Variants in TXNDC8 observed in about 807,000 individuals in gnomAD.
The protein encoded by TXNDC8 is thioredoxin domain-containing protein 8.
Under a neutral mutation model 12.9 loss-of-function variants are expected in TXNDC8, and 15 were observed. That is an observed-to-expected ratio of 1.16 (90% CI 0.78 to 1.79). The LOEUF (loss-of-function observed/expected upper bound fraction) is 1.79. Ranked by LOEUF, TXNDC8 falls within the 40% of genes most tolerant of loss-of-function variation. The pLI is 0.00. For synonymous variants in TXNDC8, 40 were observed against 35.4 expected (o/e 1.13, Z -0.46); for missense variants, 128 against 113.2 (o/e 1.13, Z -0.59).
At chr9:110,324,735 G>A (rs1587978990) in intron 3 of TXNDC8, among the ~76,000 whole-genome samples, 2 of 152,242 alleles carry the variant, frequency 1.3e-5, no homozygotes, top group East Asian at 3.9e-4. Context: ...AACGGAATAA[G>A]CATTTTGTGT....
intron 2 of TXNDC8, 30 bp downstream of exon 3, chr9:110,329,202 G>A (rs373108568): frequency 1.9e-6 from 3 of 1,592,712 alleles, no homozygotes; most frequent in South Asian, 2.2e-5. Flanking sequence ...TGGATTTTGA[G>A]TATGTGCACA....
chr9:110,326,701 CTTTCT>C (rs1363978341), intron 2 of TXNDC8, among the ~76,000 whole-genome samples: 2 of 152,280 alleles, frequency 1.3e-5, no homozygotes, highest in African/African-American at 4.8e-5. Flanking sequence ...TTATACATGT[CTTTCT>C]TTTAAGTCCT....
At position 110,326,237 on chromosome 9, in the gene TXNDC8, G is replaced by T. The variant is rs772238843; in HGVS notation, c.133C>A (p.Leu45Met). Residue 45 changes from leucine (L) to methionine (M), a missense_variant, in exon 3 of 5, where the codon CTG becomes ATG. Physicochemically the swap from Leu to Met is conservative, Grantham distance 15 (BLOSUM62 2). Transcript: ENST00000423740. ...GTTTTGATGTGACAAGTTTCAGCCA[G>T]CTCCTGGGAAAGCAAAGAAATGGCA... 1 of 1,613,986 alleles carries T rather than the reference G, an allele frequency of 6.2e-7. No homozygotes were observed. Among genetic ancestry groups the T allele is most frequent in the South Asian group, 1.1e-5 (1 of 91,068 alleles).
intron 3 of TXNDC8, among the ~76,000 whole-genome samples, chr9:110,318,596 G>A (rs1337371851): frequency 2.6e-5 from 4 of 152,136 alleles, no homozygotes; most frequent in African/African-American, 9.7e-5. Flanking sequence ...AAATTAGCCA[G>A]GCATCATGGC....
intron 3 of TXNDC8, among the ~76,000 whole-genome samples, chr9:110,319,296 G>C (rs1282916106): frequency 1.3e-5 from 2 of 152,212 alleles, no homozygotes; most frequent in Non-Finnish European, 2.9e-5. Context: ...GGATGTTGTA[G>C]TTATTGAAAG....
intron 3 of TXNDC8, chr9:110,323,805 C>T (rs951256296): frequency 2.1e-5 from 32 of 1,510,366 alleles, no homozygotes; most frequent in Non-Finnish European, 2.8e-5. Flanking sequence ...TACATGGTGA[C>T]AAGCTGTAGT....
chr9:110,306,718 C>G (rs34669522), intron 3 of TXNDC8, among the ~76,000 whole-genome samples: 7,865 of 152,242 alleles, frequency 0.052, 277 homozygotes, highest in Middle Eastern at 0.085. Context: ...GAATTCCTGA[C>G]ATATACCCAT....
intron 2 of TXNDC8, among the ~76,000 whole-genome samples, chr9:110,332,527 A>G (rs1322062164): frequency 6.6e-6 from 1 of 152,126 alleles, no homozygotes; most frequent in Admixed American, 6.5e-5. Context: ...AAAAAGTAGA[A>G]ATGTTAGAAA....
At chr9:110,336,924 A>C (rs779187059) in intron 1 of TXNDC8, among the ~76,000 whole-genome samples, 5 of 152,154 alleles carry the variant, frequency 3.3e-5, no homozygotes, top group Non-Finnish European at 7.4e-5. Context: ...AGGTCTTCTG[A>C]GGGAATAAGG....
Position 110,335,153 on chromosome 9 carries a change from C to T in TXNDC8, c.25-833G>A, listed in dbSNP as rs76345469. Among the ~76,000 whole-genome samples the T allele has an allele frequency of 2.1e-3, 317 of 152,322 alleles. 2 individuals are homozygous for T. The highest frequency in any genetic ancestry group is 7.2e-3 in the African/African-American group (300 of 41,582). ...TTAATCTTGATTCATTCCTGTACCTCCCATGATCCCTAACTGACACATAAG... is the reference window on the plus strand; with the variant it reads ...TTAATCTTGATTCATTCCTGTACCTTCCATGATCCCTAACTGACACATAAG... On this transcript the variant is annotated intron_variant, in intron 1 of 4. Transcript: ENST00000423740.
rs201046810 is a variant in TXNDC8, at chr9:110,305,788, C to CTTTCT, written c.196-1261_196-1257dup. On this transcript the variant is annotated intron_variant, in intron 3 of 4. Transcript: ENST00000423740. ...CCTTTCTTTTCTTTTCTTTTCTTTT[C>CTTTCT]TTTCTTTTCTTTTCTTTTCTTTCCT... 4.1e-3 allele frequency among the ~76,000 whole-genome samples: 370 copies of CTTTCT among 90,680 alleles called. 3 individuals are homozygous for CTTTCT. The highest frequency in any genetic ancestry group is 5.6e-3 in the Non-Finnish European group (249 of 44,478). 59.5% of individuals were successfully genotyped at this position (90,680 alleles called of 152,430 possible).
intron 2 of TXNDC8, among the ~76,000 whole-genome samples, chr9:110,333,794 G>A (rs1839636985): frequency 1.3e-5 from 2 of 152,028 alleles, no homozygotes; most frequent in Non-Finnish European, 1.5e-5. Flanking sequence ...AAGACATATG[G>A]TTTGTTCTGA....
rs1197249008 is a variant in TXNDC8 at position 110,303,612 on chromosome 9, TTTA to T, written c.*67_*69del. On this transcript the variant is annotated 3_prime_UTR_variant, in exon 5 of 5. Coordinates refer to ENST00000423740, the MANE Select transcript of TXNDC8 (RefSeq NM_001286946.2). ...TTCACAAATGCACAAAGGTGAAACA[TTTA>T]TTGATTCAAGTGCTGCGAAAATGTT... 2 of 1,569,224 alleles carry T rather than the reference TTTA, an allele frequency of 1.3e-6. No homozygotes were observed. Among genetic ancestry groups the T allele is most frequent in the African/African-American group, 2.7e-5 (2 of 73,350 alleles).
chr9:110,318,369 A>G (rs1838961116), intron 3 of TXNDC8, among the ~76,000 whole-genome samples: 1 of 152,154 alleles, frequency 6.6e-6, no homozygotes, highest in Non-Finnish European at 1.5e-5. Flanking sequence ...CTGGTGAATC[A>G]CCAAACATAT....
At chr9:110,309,992 T>C (rs879507230) in intron 3 of TXNDC8, among the ~76,000 whole-genome samples, 21 of 151,740 alleles carry the variant, frequency 1.4e-4, no homozygotes, top group Middle Eastern at 3.4e-3. Context: ...AAAAAGAAAG[T>C]GGGAAACCAA....
chr9:110,331,426 G>C (rs1839537152), intron 2 of TXNDC8, among the ~76,000 whole-genome samples: 2 of 152,094 alleles, frequency 1.3e-5, no homozygotes, highest in Non-Finnish European at 2.9e-5. Context: ...TCCACAGGTG[G>C]GTCTGTGGTG....
chr9:110,307,981 A>T (rs1838525543), intron 3 of TXNDC8, among the ~76,000 whole-genome samples: 1 of 150,860 alleles, frequency 6.6e-6, no homozygotes. Flanking sequence ...AAATTAACTG[A>T]AACCTATCTC....
chr9:110,305,147 C>CAAA (rs769344640), intron 3 of TXNDC8, among the ~76,000 whole-genome samples: 1,285 of 56,806 alleles, frequency 0.023, 50 homozygotes, highest in East Asian at 0.053. Context: ...GATTCTGTCT[C>CAAA]AAAAAAAAAA....
downstream of TXNDC8, among the ~76,000 whole-genome samples, chr9:110,302,078 C>G (rs35933138): frequency 6.6e-6 from 1 of 152,074 alleles, no homozygotes; most frequent in Admixed American, 6.6e-5. Context: ...CAACCTCCAC[C>G]TTCCAGGCGC....
Sources: allele counts gnomAD v4.1 joint callset (sites outside exome capture counted in the v4.1 genomes callset), GRCh38; gene constraint gnomAD v4.1.1; transcripts MANE v1.5; gene names NCBI Gene and HGNC (gene_info 2026-07-23, HGNC 2026-07-21).